LRP1B: variants seen among roughly 807,000 people sequenced by gnomAD.
LRP1B encodes the protein low-density lipoprotein receptor-related protein 1B.
A neutral mutation model predicts 556.6 loss-of-function variants in LRP1B; 217 were observed. The ratio of observed to expected loss-of-function variants is 0.39; its 90% CI spans 0.35 to 0.44. The LOEUF is 0.44. LRP1B is among the 20% of genes least tolerant of loss of function. The probability of loss-of-function intolerance (pLI) is 1.00; values close to 1 mark genes in which losing one functional copy is unlikely to be tolerated. For missense variants in LRP1B, 5,053 were observed against 5,620.8 expected (o/e 0.90, Z 3.23); for synonymous variants, 2,047 against 1,865.8 (o/e 1.10, Z -2.50).
At chr2:140,672,688 A>G (rs1485444728) in intron 41 of LRP1B, among the ~76,000 whole-genome samples, 1 of 151,984 alleles carries the variant, frequency 6.6e-6, no homozygotes, top group Non-Finnish European at 1.5e-5. Context: ...TTTCTTGCCT[A>G]TAGAAATTTG....
At chr2:140,449,449 C>A (rs6727869) in intron 63 of LRP1B, among the ~76,000 whole-genome samples, 11,855 of 151,826 alleles carry the variant, frequency 0.078, 564 homozygotes, top group African/African-American at 0.14. Flanking sequence ...AGATACTACC[C>A]TTTATATGTT....
chr2:141,490,041 C>A (rs1683271041), intron 2 of LRP1B, among the ~76,000 whole-genome samples: 1 of 152,110 alleles, frequency 6.6e-6, no homozygotes, highest in African/African-American at 2.4e-5. Flanking sequence ...TGTCCAGCTG[C>A]AGTACCCTTT....
At chr2:141,979,128 A>G (rs1574554845) in intron 1 of LRP1B, among the ~76,000 whole-genome samples, 1 of 152,102 alleles carries the variant, frequency 6.6e-6, no homozygotes, top group Non-Finnish European at 1.5e-5. Context: ...CTATGAAATA[A>G]TAAGGATGAA....
At chr2:141,440,468 C>T (rs1219620652) in intron 3 of LRP1B, among the ~76,000 whole-genome samples, 1 of 152,214 alleles carries the variant, frequency 6.6e-6, no homozygotes, top group Non-Finnish European at 1.5e-5. Context: ...CAAGGGGACC[C>T]AGCTCCTGCA....
intron 32 of LRP1B, among the ~76,000 whole-genome samples, chr2:140,790,360 G>C (rs1201148024): frequency 2.0e-5 from 3 of 152,160 alleles, no homozygotes; most frequent in Non-Finnish European, 4.4e-5. Context: ...GTAAATGACA[G>C]AGAGAGAAAA....
At chr2:140,566,536 T>C (rs1192610750) in intron 43 of LRP1B, among the ~76,000 whole-genome samples, 17 of 152,054 alleles carry the variant, frequency 1.1e-4, no homozygotes, top group Admixed American at 1.1e-3. Context: ...TAGAGACACT[T>C]CAAAAACCCA....
intron 3 of LRP1B, among the ~76,000 whole-genome samples, chr2:141,315,616 T>C (rs146457385): frequency 5.9e-4 from 89 of 151,944 alleles, no homozygotes; most frequent in Non-Finnish European, 1.2e-3. Flanking sequence ...TTATATATAA[T>C]TAGCTATAAG....
intron 2 of LRP1B, among the ~76,000 whole-genome samples, chr2:141,586,859 G>A (rs1012565508): frequency 5.3e-5 from 8 of 150,886 alleles, no homozygotes; most frequent in Non-Finnish European, 1.2e-4. Context: ...GGAGAATGGC[G>A]TGAACTCGGG....
At chr2:141,305,672 T>A (rs1686560659) in intron 3 of LRP1B, among the ~76,000 whole-genome samples, 1 of 152,192 alleles carries the variant, frequency 6.6e-6, no homozygotes, top group South Asian at 2.1e-4. Context: ...GCTTCAGTTT[T>A]TAAAGGAAAG....
chr2:141,522,374 C>T (rs1011585884), intron 2 of LRP1B, among the ~76,000 whole-genome samples: 1 of 152,072 alleles, frequency 6.6e-6, no homozygotes, highest in African/African-American at 2.4e-5. Context: ...TCAGAACAGA[C>T]ATCAGATTTG....
intron 3 of LRP1B, among the ~76,000 whole-genome samples, chr2:141,357,897 G>A (rs551204737): frequency 6.6e-6 from 1 of 152,234 alleles, no homozygotes; most frequent in East Asian, 1.9e-4. Flanking sequence ...TATAATTCTG[G>A]ACTGTTGTGC....
intron 1 of LRP1B, among the ~76,000 whole-genome samples, chr2:142,113,532 A>G (rs908902479): frequency 6.6e-6 from 1 of 151,936 alleles, no homozygotes; most frequent in Admixed American, 6.6e-5. Context: ...AGTGGAAATG[A>G]TCATGTAGAA....
chr2:141,924,725 T>G (rs1457912269), intron 1 of LRP1B, among the ~76,000 whole-genome samples: 1 of 152,162 alleles, frequency 6.6e-6, no homozygotes, highest in Non-Finnish European at 1.5e-5. Context: ...TCACATGTCC[T>G]GGGAGGAGGG....
At chr2:140,967,897 G>T (rs1374449366) in intron 18 of LRP1B, among the ~76,000 whole-genome samples, 3 of 151,578 alleles carry the variant, frequency 2.0e-5, no homozygotes, top group African/African-American at 7.3e-5. Context: ...AAGCCCACTT[G>T]ATCATGGTGG....
chr2:140,317,401 C>T (rs1684570430), intron 82 of LRP1B, among the ~76,000 whole-genome samples: 1 of 151,904 alleles, frequency 6.6e-6, no homozygotes, highest in Non-Finnish European at 1.5e-5. Flanking sequence ...AAAATCACAG[C>T]AGTGTTATGT....
At chr2:141,094,597 C>T (rs1326664367) in intron 7 of LRP1B, among the ~76,000 whole-genome samples, 1 of 152,120 alleles carries the variant, frequency 6.6e-6, no homozygotes, top group Non-Finnish European at 1.5e-5. Context: ...GTAATTAAAA[C>T]CATTCAACCT....
chr2:141,943,430 A>G (rs1416246182), intron 1 of LRP1B, among the ~76,000 whole-genome samples: 3 of 152,304 alleles, frequency 2.0e-5, no homozygotes, highest in South Asian at 4.1e-4. Context: ...AAATGGATTC[A>G]CATTAGGGTT....
intron 74 of LRP1B, among the ~76,000 whole-genome samples, chr2:140,356,797 G>A (rs1389663827): frequency 6.6e-6 from 1 of 151,640 alleles, no homozygotes; most frequent in Non-Finnish European, 1.5e-5. Flanking sequence ...ATTATAGTAC[G>A]ATATATGAGT....
chr2:141,729,824 G>A lies in LRP1B; in HGVS notation c.205+80455C>T, dbSNP rs141413399. Among the ~76,000 whole-genome samples the A allele has an allele frequency of 4.1e-3, 617 of 152,112 alleles. 11 individuals are homozygous for A. Among genetic ancestry groups the A allele is most frequent in the Admixed American group, 0.027 (417 of 15,266 alleles). ...GTACTGTAGGTGGAGTAAAACAGTG[G>A]GGTGAAGAACCCATTTCTATAGAAA... On this transcript the variant is annotated intron_variant, in intron 2 of 90. Transcript: ENST00000389484.
Sources: allele counts gnomAD v4.1 joint callset (sites outside exome capture counted in the v4.1 genomes callset), GRCh38; gene constraint gnomAD v4.1.1; transcripts MANE v1.5; gene names NCBI Gene and HGNC (gene_info 2026-07-23, HGNC 2026-07-21).